Variants in PRPF40B observed in about 807,000 individuals in gnomAD.
PRPF40B encodes pre-mRNA-processing factor 40 homolog B.
Under a neutral mutation model 124.5 loss-of-function variants are expected in PRPF40B, and 56 were observed. The observed-to-expected ratio is 0.45, with a 90% CI of 0.36 to 0.56. The LOEUF (loss-of-function observed/expected upper bound fraction) is 0.56, where lower values mean the gene tolerates loss of function less well. PRPF40B is among the 20% of genes least tolerant of loss of function. The probability of loss-of-function intolerance (pLI) is 0.00; values close to 1 mark genes in which losing one functional copy is unlikely to be tolerated. For synonymous variants in PRPF40B, 443 were observed against 426.4 expected (o/e 1.04, Z -0.48); for missense variants, 1,053 against 1,169.5 (o/e 0.90, Z 1.45).
At chr12:49,643,060 T>C in intron 22 of PRPF40B, 44 bp downstream of exon 22, 3 of 1,605,670 alleles carry the variant, frequency 1.9e-6, no homozygotes. Context: ...GCTGGGTTGT[T>C]TTGGGGAAAT....
chr12:49,641,378 G>A (rs1376581538), intron 18 of PRPF40B: 1 of 152,968 alleles, frequency 6.5e-6, no homozygotes, highest in East Asian at 1.9e-4. Flanking sequence ...CCTTGGGCAA[G>A]TGCTCTAGTT....
Position 49,641,908 on chromosome 12 carries a change from G to A in PRPF40B, c.1768G>A (p.Asp590Asn). Residue 590 changes from aspartate to asparagine, a missense_variant and splice_region_variant, in exon 19 of 26, where the codon GAC becomes AAC. By Grantham distance (23) the Asp-to-Asn change is conservative. This residue lies in a region of PRPF40B where 895 missense variants were observed against 1,052.2 expected (regional missense o/e 0.85). Transcript: ENST00000548825. ...EKKIIKDILK[D>N]RGFCVEVNTA... is the part of the protein sequence containing the mutation. ...GCTTCATGCACTGCTGTACCCACAG[G>A]ACCGGGGCTTCTGCGTGGAGGTGAA... 3.7e-6 allele frequency: 6 copies of A among 1,612,868 alleles called. No individual in the cohort carries two copies. The highest frequency in any genetic ancestry group is 1.1e-5 in the South Asian group (1 of 91,042).
intron 5 of PRPF40B, 82 bp from the exon 6 acceptor site, chr12:49,632,773 G>T: frequency 6.2e-7 from 1 of 1,605,398 alleles, no homozygotes; most frequent in East Asian, 2.2e-5. Context: ...TATTTACTGG[G>T]GCTGGAATAC....
rs1331831771 is a variant in PRPF40B at position 49,631,457 on chromosome 12, T to G, written c.141T>G (p.Ser47Arg). 7 of 1,418,782 alleles carry G rather than the reference T, an allele frequency of 4.9e-6. No homozygotes were observed. Among genetic ancestry groups the G allele is most frequent in the Non-Finnish European group, 6.5e-6 (7 of 1,070,228 alleles). 87.9% of individuals were successfully genotyped at this position (1,418,782 alleles called of 1,614,324 possible). A position where few individuals can be genotyped will look rare whatever the true frequency, so the allele number is the denominator to read the frequency against. ...CTCCGATGGGGCTACCCCCCATGAG[T>G]CAGAGACCACCAGCTATCCCCCCCA... ...PFPPMGLPPM[S>R]QRPPAIPPMP... The change falls in exon 3 of 26, where the codon AGT (serine) becomes AGG (arginine). Residue 47 changes from serine (S) to arginine (R), a missense_variant. Physicochemically the swap from Ser to Arg is moderately radical, Grantham distance 110. Around this residue, in one of 2 missense-constraint regions of PRPF40B, gnomAD observed 158 missense variants for 117.3 expected, o/e 1.35. Transcript: ENST00000548825. This position sits in a 1 kb window ranked among gnomAD's most constrained non-coding sequence, Gnocchi z 4.3.
chr12:49,643,753 G>C lies in PRPF40B; in HGVS notation c.2442+1G>C. The C allele has an allele frequency of 6.2e-7, 1 of 1,614,114 alleles. No individual in the cohort carries two copies. The highest frequency in any genetic ancestry group is 1.1e-5 in the South Asian group (1 of 91,054). On this transcript the variant is annotated splice_donor_variant, in intron 24 of 25. Coordinates refer to ENST00000548825, the MANE Select transcript of PRPF40B (RefSeq NM_001031698.3). LOFTEE classifies it high-confidence loss of function. ...AACTAAGAAGAGAAGACACAAGTCG[G>C]TGAGTGAAGGAACTTCTACCTAAGC...
intron 16 of PRPF40B, chr12:49,637,170 TGGG>T (rs1322713597): frequency 2.4e-5 from 14 of 572,480 alleles, no homozygotes; most frequent in African/African-American, 3.7e-5. Flanking sequence ...TCCCTCAGCT[TGGG>T]GGTGGCAGTG....
chr12:49,634,676 C>T, intron 12 of PRPF40B, 74 bp downstream of exon 12: 1 of 1,572,268 alleles, frequency 6.4e-7, no homozygotes, highest in Non-Finnish European at 8.7e-7. Context: ...AAAACCCCAG[C>T]TCAACACTCA....
intron 1 of PRPF40B, 47 bp from the exon 2 acceptor site, chr12:49,630,498 A>G: frequency 1.2e-6 from 1 of 806,086 alleles, no homozygotes; most frequent in Non-Finnish European, 2.1e-6. Context: ...CAAAAAGCCC[A>G]TCTCTGTGCC....
rs185510767 is a variant in PRPF40B at position 49,629,081 on chromosome 12, T to G, written c.4-1464T>G. Among the ~76,000 whole-genome samples the G allele has an allele frequency of 2.6e-3, 390 of 152,338 alleles. 2 individuals are homozygous for G. The highest frequency in any genetic ancestry group is 6.4e-3 in the South Asian group (31 of 4,828). ...AAGCCTCGGTTCACTTACAGTGAGT[T>G]TGTTTGTTTTTGAATGGGCAATATA... On this transcript the variant is annotated intron_variant, in intron 1 of 25. Coordinates refer to ENST00000548825, the MANE Select transcript of PRPF40B (RefSeq NM_001031698.3).
In PRPF40B at chr12:49,632,626, G is replaced by A; in HGVS notation, c.322+3G>A. On this transcript the variant is annotated splice_donor_region_variant and intron_variant, in intron 5 of 25. Transcript: ENST00000548825. The stretch of plus-strand genomic sequence containing the variant: ...TCCGGGTGCGGACACCGCCAGCTGT[G>A]AGTCTTCTGGGGGCCTGCTCCCCCC... The A allele has an allele frequency of 1.2e-6, 2 of 1,613,784 alleles. No individual in the cohort carries two copies. The highest frequency in any genetic ancestry group is 1.1e-5 in the South Asian group (1 of 91,012).
chr12:49,636,260 G>A (rs1941791947), intron 15 of PRPF40B, among the ~76,000 whole-genome samples: 1 of 152,200 alleles, frequency 6.6e-6, no homozygotes. Flanking sequence ...AAGTCCTAGA[G>A]ATGTCAATGA....
Position 49,635,033 on chromosome 12 carries a change from T to C in PRPF40B, c.1002-66T>C. 6.8e-7 allele frequency: 1 copy of C among 1,476,002 alleles called. No homozygotes were observed. The highest frequency in any genetic ancestry group is 9.2e-7 in the Non-Finnish European group (1 of 1,088,794). The allele number at this position is 1,476,002 out of a possible 1,614,324, so 91.4% of individuals were successfully genotyped here. Reference sequence around the variant, plus strand: ...CCTGCAGTGTCTCATGACCCTCCAGTGTGGGCTGTGCAGAGTGGTTCGGGT... The same window carrying C: ...CCTGCAGTGTCTCATGACCCTCCAGCGTGGGCTGTGCAGAGTGGTTCGGGT... On this transcript the variant is annotated intron_variant, in intron 12 of 25. Transcript: ENST00000548825. This position sits in a 1 kb window ranked among gnomAD's most constrained non-coding sequence, Gnocchi z 4.1.
At position 49,637,791 on chromosome 12, in the gene PRPF40B, T is replaced by C; in HGVS notation, c.1734T>C (p.His578=). The change falls in exon 18 of 26, where the codon CAT becomes CAC. Residue 578 remains histidine, a synonymous_variant. Transcript: ENST00000548825. ...FYVEELKARF[H]DEKKIIKDIL... is the part of the protein sequence containing the mutation. ...TGGAGGAGTTGAAGGCACGATTCCA[T>C]GATGAAAAGAAGATCATTAAGGACA... 1 of 1,563,054 alleles carries C rather than the reference T, an allele frequency of 6.4e-7. No individual in the cohort carries two copies. Among genetic ancestry groups the C allele is most frequent in the Non-Finnish European group, 8.7e-7 (1 of 1,147,592 alleles).
intron 1 of PRPF40B, 81 bp downstream of exon 1, chr12:49,623,674 G>C: frequency 8.1e-7 from 1 of 1,227,964 alleles, no homozygotes; most frequent in Non-Finnish European, 1.0e-6. Context: ...CCGATGGGGC[G>C]GGGAGGCCGC....
chr12:49,642,382 G>A lies in PRPF40B; in HGVS notation c.2022+10G>A, dbSNP rs200608816. ...CACTGCCTGGGAAGAGGTCAGGAGC[G>A]TAGCCTGGCCCCAAGCACCCCTCAA... On this transcript the variant is annotated intron_variant, in intron 20 of 25. Coordinates refer to ENST00000548825, the MANE Select transcript of PRPF40B (RefSeq NM_001031698.3). The surrounding 1 kb of genome is among the most constrained non-coding windows in gnomAD (Gnocchi z 5.8). 5.1e-4 allele frequency: 817 copies of A among 1,613,062 alleles called. 1 individual carries two copies. Among genetic ancestry groups the A allele is most frequent in the Admixed American group, 6.2e-4 (37 of 60,026 alleles).
upstream of PRPF40B, among the ~76,000 whole-genome samples, chr12:49,623,053 CT>C (rs76184248): frequency 0.12 from 16,446 of 139,856 alleles, 988 homozygotes; most frequent in Non-Finnish European, 0.15. Flanking sequence ...GGGGATTTGT[CT>C]TTTTTTTTTT....
intron 18 of PRPF40B, 140 bp from the exon 19 acceptor site, chr12:49,641,768 G>A: frequency 1.5e-6 from 1 of 660,122 alleles, no homozygotes; most frequent in Non-Finnish European, 2.6e-6. Context: ...GGATAACTTG[G>A]TTTCTAATGC....
chr12:49,627,645 G>A (rs1940846449), intron 1 of PRPF40B, among the ~76,000 whole-genome samples: 1 of 152,162 alleles, frequency 6.6e-6, no homozygotes, highest in Non-Finnish European at 1.5e-5. Flanking sequence ...TACTGGGTAG[G>A]GGGTTTACTA....
At position 49,631,649 on chromosome 12, in the gene PRPF40B, G is replaced by C; in HGVS notation, c.228+105G>C. 1 of 1,410,308 alleles carries C rather than the reference G, an allele frequency of 7.1e-7. No individual in the cohort carries two copies. The highest frequency in any genetic ancestry group is 9.8e-7 in the Non-Finnish European group (1 of 1,025,632). The allele number at this position is 1,410,308 out of a possible 1,614,324, so 87.4% of individuals were successfully genotyped here. ...CCTCAGAAACTGGGGAAGGAAGGGA[G>C]CTTTGGGCCAAACCCATGTGGATTT... On this transcript the variant is annotated intron_variant, in intron 3 of 25. Transcript: ENST00000548825. This position sits in a 1 kb window ranked among gnomAD's most constrained non-coding sequence, Gnocchi z 4.3.
Sources: gnomAD v4.1 joint callset for allele counts (sites outside exome capture counted in the v4.1 genomes callset) on GRCh38, gnomAD v4.1.1 for gene constraint, gnomAD v4.1.1 regional missense constraint, Gnocchi (gnomAD v3.1) non-coding constraint, MANE v1.5 for transcripts, NCBI Gene and HGNC (gene_info 2026-07-23, HGNC 2026-07-21) for gene names.